Variants in ACTR3 observed in about 807,000 individuals in gnomAD.
The protein encoded by ACTR3 is actin-related protein 3.
In ACTR3, 12 loss-of-function variants were observed where a neutral mutation model predicts 56.8. That is an observed-to-expected ratio of 0.21 (90% confidence interval 0.14 to 0.34). The LOEUF is 0.34. Ranked by LOEUF, ACTR3 falls within the 10% of genes least tolerant of loss-of-function variation. The probability of loss-of-function intolerance (pLI) is 1.00; values close to 1 mark genes in which losing one functional copy is unlikely to be tolerated. For synonymous variants in ACTR3, 162 were observed against 167.4 expected (o/e 0.97, Z 0.25); for missense variants, 282 against 512.5 (o/e 0.55, Z 4.34).
At chr2:113,951,608 TA>T (rs1680121784) in intron 9 of ACTR3, 37 bp downstream of exon 9, 1 of 1,563,102 alleles carries the variant, frequency 6.4e-7, no homozygotes, top group Non-Finnish European at 8.8e-7. Flanking sequence ...GGTCTTACTT[TA>T]AAAAAACTTA....
chr2:113,923,360 C>T (rs1022397554), intron 3 of ACTR3, among the ~76,000 whole-genome samples: 25 of 150,274 alleles, frequency 1.7e-4, no homozygotes, highest in Non-Finnish European at 3.1e-4. Flanking sequence ...GTTTTTGAGA[C>T]GGAGCCTGGC....
intron 3 of ACTR3, among the ~76,000 whole-genome samples, chr2:113,924,834 C>G (rs144257833): frequency 6.6e-6 from 1 of 152,066 alleles, no homozygotes; most frequent in Non-Finnish European, 1.5e-5. Flanking sequence ...GATATGACCT[C>G]CTCAGCGAAA....
chr2:113,958,117 A>G lies in ACTR3; in HGVS notation c.*662A>G, dbSNP rs780129981. On this transcript the variant is annotated 3_prime_UTR_variant, in exon 12 of 12. Transcript: ENST00000263238. ...CGCATTCTGTTTCTTGCTTTAAAAGAAGAGTAAAGACAAGAGTGTTGGACC... is the reference window on the plus strand; with the variant it reads ...CGCATTCTGTTTCTTGCTTTAAAAGGAGAGTAAAGACAAGAGTGTTGGACC... 2.0e-5 allele frequency: 3 copies of G among 152,604 alleles called. No individual in the cohort carries two copies. The highest frequency in any genetic ancestry group is 2.9e-5 in the Non-Finnish European group (2 of 68,024). 9.5% of individuals were successfully genotyped at this position (152,604 alleles called of 1,614,324 possible).
intron 3 of ACTR3, among the ~76,000 whole-genome samples, chr2:113,919,009 A>G (rs998700438): frequency 6.6e-6 from 1 of 152,256 alleles, no homozygotes; most frequent in Non-Finnish European, 1.5e-5. Flanking sequence ...AAAATAATAT[A>G]ATGAACCCCC....
At chr2:113,918,430 A>G (rs935674793) in intron 3 of ACTR3, among the ~76,000 whole-genome samples, 6 of 144,862 alleles carry the variant, frequency 4.1e-5, no homozygotes, top group Non-Finnish European at 7.5e-5. Flanking sequence ...GTTACCCAGG[A>G]TGGAGTTCAG....
At chr2:113,923,003 A>G (rs1679538427) in intron 3 of ACTR3, among the ~76,000 whole-genome samples, 1 of 152,206 alleles carries the variant, frequency 6.6e-6, no homozygotes, top group Non-Finnish European at 1.5e-5. Context: ...GATACCACTG[A>G]AAGTGATGAA....
intron 11 of ACTR3, 74 bp from the exon 12 acceptor site, chr2:113,957,286 T>TA (rs1680233619): frequency 6.4e-6 from 7 of 1,090,686 alleles, no homozygotes; most frequent in Non-Finnish European, 9.8e-6. Flanking sequence ...GCATCACTCT[T>TA]AAAGTTTATT....
At chr2:113,923,350 G>GTTTGTTTGTTTGTTTT (rs1553494515) in intron 3 of ACTR3, among the ~76,000 whole-genome samples, 1 of 56,850 alleles carries the variant, frequency 1.8e-5, no homozygotes, top group East Asian at 2.5e-4. Context: ...TTGTTTGTTT[G>GTTTGTTTGTTTGTTTT]TTTTTGAGAC....
intron 10 of ACTR3, 116 bp downstream of exon 10, chr2:113,951,961 C>T: frequency 5.3e-6 from 7 of 1,314,246 alleles, no homozygotes; most frequent in Non-Finnish European, 7.4e-6. Flanking sequence ...GTCAGGTATT[C>T]TAATGGAAAT....
At chr2:113,922,777 C>T (rs1192065620) in intron 3 of ACTR3, among the ~76,000 whole-genome samples, 1 of 152,126 alleles carries the variant, frequency 6.6e-6, no homozygotes. Context: ...GGTGATGGGT[C>T]AAAATCTAGA....
chr2:113,910,161 A>G (rs1559463553), intron 1 of ACTR3, among the ~76,000 whole-genome samples: 1 of 152,122 alleles, frequency 6.6e-6, no homozygotes, highest in Admixed American at 6.6e-5. Context: ...CCCACCCTCC[A>G]ACCACTGGGG....
chr2:113,937,660 TC>T (rs538425228), intron 6 of ACTR3, among the ~76,000 whole-genome samples: 31 of 152,348 alleles, frequency 2.0e-4, no homozygotes, highest in Admixed American at 5.9e-4. Context: ...TAGATGTCAC[TC>T]CACTGTCTTC....
At chr2:113,920,443 ATCAAG>A (rs1221655112) in intron 3 of ACTR3, among the ~76,000 whole-genome samples, 5 of 152,334 alleles carry the variant, frequency 3.3e-5, no homozygotes, top group African/African-American at 1.2e-4. Context: ...GTGTGTGGTG[ATCAAG>A]TCAATGTAAG....
intron 3 of ACTR3, among the ~76,000 whole-genome samples, chr2:113,919,539 G>A (rs1157148269): frequency 6.6e-6 from 1 of 152,010 alleles, no homozygotes; most frequent in East Asian, 1.9e-4. Flanking sequence ...GTAGTTAAAT[G>A]TAAGTCTGAT....
intron 10 of ACTR3, 174 bp downstream of exon 10, chr2:113,952,019 C>G (rs1296374263): frequency 4.7e-6 from 4 of 855,506 alleles, no homozygotes; most frequent in South Asian, 5.0e-5. Context: ...TCATTTGATT[C>G]TTCTAGGATA....
chr2:113,942,581 TA>T (rs964400795), intron 8 of ACTR3, among the ~76,000 whole-genome samples: 4 of 152,064 alleles, frequency 2.6e-5, no homozygotes, highest in Non-Finnish European at 4.4e-5. Flanking sequence ...AAAAACTTTT[TA>T]AAAAATATGT....
At chr2:113,915,620 C>G (rs1679390716) in intron 2 of ACTR3, among the ~76,000 whole-genome samples, 1 of 152,098 alleles carries the variant, frequency 6.6e-6, no homozygotes, top group Non-Finnish European at 1.5e-5. Flanking sequence ...TTATTTCTGC[C>G]ATCTTAGCAA....
chr2:113,941,554 A>T (rs981182013), intron 7 of ACTR3, among the ~76,000 whole-genome samples: 2 of 152,124 alleles, frequency 1.3e-5, no homozygotes, highest in African/African-American at 2.4e-5. Context: ...AAGTTTTTTT[A>T]AAAAAATAAA....
chr2:113,898,300 C>T (rs1205974138), intron 1 of ACTR3, among the ~76,000 whole-genome samples: 1 of 151,980 alleles, frequency 6.6e-6, no homozygotes, highest in African/African-American at 2.4e-5. Context: ...ATGACTCACA[C>T]AGAATTATAG....
Sources: allele counts gnomAD v4.1 joint callset (sites outside exome capture counted in the v4.1 genomes callset), GRCh38; gene constraint gnomAD v4.1.1; transcripts MANE v1.5; gene names NCBI Gene and HGNC (gene_info 2026-07-23, HGNC 2026-07-21).